Variants in RPP30 observed in about 807,000 individuals in gnomAD.
The protein encoded by RPP30 is ribonuclease P/MRP subunit p30, also known as ribonuclease P protein subunit p30.
RPP30 carries 36 observed loss-of-function variants against 38.6 expected under a neutral mutation model. The ratio of observed to expected loss-of-function variants is 0.93; its 90% CI spans 0.71 to 1.23. The LOEUF (loss-of-function observed/expected upper bound fraction) is 1.23, where lower values mean the gene tolerates loss of function less well. RPP30 is among the 50% of genes most tolerant of loss of function. The pLI is 0.00. For missense variants in RPP30, 321 were observed against 321.7 expected (o/e 1.00, Z 0.02); for synonymous variants, 126 against 112.7 (o/e 1.12, Z -0.75).
intron 5 of RPP30, among the ~76,000 whole-genome samples, chr10:90,883,054 G>T (rs909499412): frequency 2.0e-5 from 3 of 152,052 alleles, no homozygotes; most frequent in Non-Finnish European, 4.4e-5. Flanking sequence ...ATTCTTTAGG[G>T]GAGTTTTGTA....
Position 90,876,162 on chromosome 10 carries a change from A to G in RPP30, c.270+64A>G, listed in dbSNP as rs1393617782. ...GAGTTGTATTGATTAATGTTGAACA[A>G]TGTTGCATTTTGTCTTCCCCATTTT... On this transcript the variant is annotated intron_variant, in intron 4 of 10. Coordinates refer to ENST00000371703, the MANE Select transcript of RPP30 (RefSeq NM_006413.5). 24 of 1,061,596 alleles carry G rather than the reference A, an allele frequency of 2.3e-5. No homozygotes were observed. In the South Asian group the frequency reaches 2.8e-4, roughly 12 times the overall value. The allele number at this position is 1,061,596 out of a possible 1,614,324, so 65.8% of individuals were successfully genotyped here. A position where few individuals can be genotyped will look rare whatever the true frequency, so the allele number is the denominator to read the frequency against.
At chr10:90,874,523 T>C (rs934952334) in intron 1 of RPP30, among the ~76,000 whole-genome samples, 26 of 152,234 alleles carry the variant, frequency 1.7e-4, no homozygotes, top group African/African-American at 5.3e-4. Context: ...TAAGAGTCTT[T>C]AGTATCATTT....
At chr10:90,887,544 G>A (rs150682033) in intron 6 of RPP30, among the ~76,000 whole-genome samples, 77 of 151,824 alleles carry the variant, frequency 5.1e-4, no homozygotes, top group African/African-American at 1.8e-3. Context: ...CACCATGTCC[G>A]GCTAATTTTT....
chr10:90,878,531 G>T (rs574705984), intron 4 of RPP30, among the ~76,000 whole-genome samples: 78 of 144,234 alleles, frequency 5.4e-4, no homozygotes, highest in Non-Finnish European at 3.0e-4. Context: ...TCACTTTGTT[G>T]TCCAGGCTTG....
At chr10:90,888,394 A>G (rs1490242205) in intron 6 of RPP30, among the ~76,000 whole-genome samples, 1 of 152,160 alleles carries the variant, frequency 6.6e-6, no homozygotes, top group Non-Finnish European at 1.5e-5. Context: ...GAGAGCTTTT[A>G]ATTGGGGTTC....
At chr10:90,906,626 T>A (rs185694483), downstream of RPP30, among the ~76,000 whole-genome samples, 17 of 152,318 alleles carry the variant, frequency 1.1e-4, no homozygotes, top group African/African-American at 3.8e-4. Flanking sequence ...TAAGCAAGCC[T>A]GGAGGCCAGG....
intron 2 of RPP30, 104 bp from the exon 3 acceptor site, chr10:90,875,454 T>TA (rs149175620): frequency 0.19 from 167,211 of 861,478 alleles, 18,200 homozygotes; most frequent in African/African-American, 0.41. Context: ...GCTTTCTTTT[T>TA]AAAAAAAATG....
rs140936788 is a variant in RPP30, at chr10:90,887,974, G to A, written c.432+2073G>A. Among the ~76,000 whole-genome samples, 464 of 152,274 alleles carry A rather than the reference G, an allele frequency of 3.0e-3. 2 individuals are homozygous for A. The highest frequency in any genetic ancestry group is 5.5e-3 in the Non-Finnish European group (377 of 68,016). Reference sequence around the variant, plus strand: ...TGTGCCCCAGGTACCTATGATAAAAGCCACAAATTAATACAGTACTCAAGG... The same window carrying A: ...TGTGCCCCAGGTACCTATGATAAAAACCACAAATTAATACAGTACTCAAGG... On this transcript the variant is annotated intron_variant, in intron 6 of 10. Coordinates refer to ENST00000371703, the MANE Select transcript of RPP30 (RefSeq NM_006413.5).
Position 90,895,484 on chromosome 10 carries a change from G to A in RPP30, c.579+1G>A. Reference sequence around the variant, plus strand: ...AATTATATCTAGTGCTGCAGAAAGGGTAAGTCTAGCATGAAGTACTTTGTT... The same window carrying A: ...AATTATATCTAGTGCTGCAGAAAGGATAAGTCTAGCATGAAGTACTTTGTT... On this transcript the variant is annotated splice_donor_variant, in intron 8 of 10. Coordinates refer to ENST00000371703, the MANE Select transcript of RPP30 (RefSeq NM_006413.5). LOFTEE classifies it high-confidence loss of function. 7.1e-7 allele frequency: 1 copy of A among 1,404,380 alleles called. No individual in the cohort carries two copies. Among genetic ancestry groups the A allele is most frequent in the Non-Finnish European group, 9.4e-7 (1 of 1,064,786 alleles). The allele number at this position is 1,404,380 out of a possible 1,614,324, so 87.0% of individuals were successfully genotyped here.
At chr10:90,894,413 T>C (rs1477280331) in intron 6 of RPP30, among the ~76,000 whole-genome samples, 1 of 152,240 alleles carries the variant, frequency 6.6e-6, no homozygotes, top group Admixed American at 6.5e-5. Flanking sequence ...TATGTTTGTA[T>C]ACAGTTTACT....
chr10:90,875,982 T>A (rs764086149), intron 3 of RPP30, 42 bp from the exon 4 acceptor site: 20 of 1,124,444 alleles, frequency 1.8e-5, no homozygotes, highest in Non-Finnish European at 2.6e-5. Flanking sequence ...AAATCAATTA[T>A]TGTCTTTTGT....
At chr10:90,877,313 A>G (rs1471401048) in intron 4 of RPP30, among the ~76,000 whole-genome samples, 2 of 152,160 alleles carry the variant, frequency 1.3e-5, no homozygotes, top group African/African-American at 4.8e-5. Context: ...TTTCAAAAAA[A>G]AAAAGATGTG....
At chr10:90,903,250 G>A (rs1847222562), downstream of RPP30, 1 of 1,610,122 alleles carries the variant, frequency 6.2e-7, no homozygotes, top group South Asian at 1.1e-5. Context: ...ATACTCCCAA[G>A]AACAGGCTTT....
rs187640235 is a variant in RPP30 at position 90,873,242 on chromosome 10, A to G, written c.82+1174A>G. On this transcript the variant is annotated intron_variant, in intron 1 of 10. Coordinates refer to ENST00000371703, the MANE Select transcript of RPP30 (RefSeq NM_006413.5). The stretch of plus-strand genomic sequence containing the variant: ...ATTAAAAAAATTAATACAAAAAAGA[A>G]AAGTTAATAATGATTTCTTTAGAGA... 2.0e-3 allele frequency among the ~76,000 whole-genome samples: 306 copies of G among 152,366 alleles called. 1 individual carries two copies. Among genetic ancestry groups the G allele is most frequent in the Non-Finnish European group, 2.9e-3 (197 of 68,028 alleles).
Position 90,874,879 on chromosome 10 carries a change from AGTT to A in RPP30, c.98_100del (p.Val33del). ...ATTTTTCTTTTTCAGTTGGCTATTC[AGTT>A]GTTGCTATCAATCATATCGTTGACT... On this transcript the variant is annotated inframe_deletion, in exon 2 of 11. Transcript: ENST00000371703. 6.3e-7 allele frequency: 1 copy of A among 1,595,978 alleles called. No individual in the cohort carries two copies.
Position 90,901,085 on chromosome 10 carries a change from C to T in RPP30, c.*406C>T, listed in dbSNP as rs1847194782. The T allele has an allele frequency of 2.8e-6, 1 of 356,208 alleles. No homozygotes were observed. The highest frequency in any genetic ancestry group is 3.9e-6 in the Non-Finnish European group (1 of 255,246). 22.1% of individuals were successfully genotyped at this position (356,208 alleles called of 1,614,324 possible). On this transcript the variant is annotated 3_prime_UTR_variant, in exon 11 of 11. Coordinates refer to ENST00000371703, the MANE Select transcript of RPP30 (RefSeq NM_006413.5). ...TCAATCCTGGGCTCAAGTGATCCTC[C>T]CGCTTCAGCCTCTCAAGCAGCGGGA...
chr10:90,893,573 T>TCTAAA (rs1023522203), intron 6 of RPP30, among the ~76,000 whole-genome samples: 1 of 152,222 alleles, frequency 6.6e-6, no homozygotes, highest in Non-Finnish European at 1.5e-5. Context: ...CCTGCACAGT[T>TCTAAA]GGCCCTTCCC....
At chr10:90,890,397 A>G (rs546403553) in intron 6 of RPP30, among the ~76,000 whole-genome samples, 1 of 152,262 alleles carries the variant, frequency 6.6e-6, no homozygotes, top group Non-Finnish European at 1.5e-5. Context: ...TTATTGAGTT[A>G]TTTTAAGGGA....
rs1847198183 is a variant in RPP30, at chr10:90,901,239, G to A, written c.*560G>A. 1 of 896,844 alleles carries A rather than the reference G, an allele frequency of 1.1e-6. No individual in the cohort carries two copies. The highest frequency in any genetic ancestry group is 1.8e-5 in the African/African-American group (1 of 54,232). 55.6% of individuals were successfully genotyped at this position (896,844 alleles called of 1,614,324 possible). ...TAGGATCAAGCCATCCTCCCGCTTT[G>A]GCCTCCTAAAGTGCTGGGATTACAT... On this transcript the variant is annotated 3_prime_UTR_variant, in exon 11 of 11. Transcript: ENST00000371703.
Sources: allele counts gnomAD v4.1 joint callset (sites outside exome capture counted in the v4.1 genomes callset), GRCh38; gene constraint gnomAD v4.1.1; transcripts MANE v1.5; gene names NCBI Gene and HGNC (gene_info 2026-07-23, HGNC 2026-07-21).